MACROD2: variants seen among roughly 807,000 people sequenced by gnomAD.
MACROD2 encodes ADP-ribose glycohydrolase MACROD2.
A neutral mutation model predicts 70.4 loss-of-function variants in MACROD2; 36 were observed. That is an observed-to-expected ratio of 0.51 (90% confidence interval 0.39 to 0.68). The LOEUF is 0.68. Among genes scored for constraint, MACROD2 ranks in the 30% least tolerant of loss-of-function variants. The pLI, the probability that MACROD2 is intolerant of heterozygous loss-of-function variation, is 0.00. For missense variants in MACROD2, 496 were observed against 538.4 expected, an observed-to-expected ratio of 0.92 and a Z score of 0.78; for synonymous variants, 172 against 178.8, an observed-to-expected ratio of 0.96 and a Z score of 0.30.
At chr20:14,036,216 A>T (rs899086511) in intron 2 of MACROD2, among the ~76,000 whole-genome samples, 2 of 151,922 alleles carry the variant, frequency 1.3e-5, no homozygotes, top group African/African-American at 4.8e-5. Flanking sequence ...TTTGAATTGT[A>T]TATGAGGTTA....
chr20:15,551,011 GA>G (rs1257244007), intron 8 of MACROD2, among the ~76,000 whole-genome samples: 1 of 152,102 alleles, frequency 6.6e-6, no homozygotes, highest in Non-Finnish European at 1.5e-5. Flanking sequence ...TAAGAATAAA[GA>G]AAATAATTCA....
chr20:15,234,423 C>T (rs1479582556), intron 6 of MACROD2, among the ~76,000 whole-genome samples: 1 of 151,806 alleles, frequency 6.6e-6, no homozygotes, highest in African/African-American at 2.4e-5. Flanking sequence ...GCAGTACAAA[C>T]TGGAAATTGG....
At chr20:15,628,916 A>G (rs748526511) in intron 8 of MACROD2, among the ~76,000 whole-genome samples, 22 of 152,232 alleles carry the variant, frequency 1.4e-4, no homozygotes, top group Non-Finnish European at 2.6e-4. Context: ...TGGTTGTGAA[A>G]GTCATCCATG....
intron 7 of MACROD2, among the ~76,000 whole-genome samples, chr20:15,485,848 G>A (rs1286881103): frequency 6.6e-6 from 1 of 152,008 alleles, no homozygotes; most frequent in Non-Finnish European, 1.5e-5. Context: ...GTAAAACTTA[G>A]AAATCCAAAA....
intron 5 of MACROD2, among the ~76,000 whole-genome samples, chr20:15,050,961 G>T (rs1568549771): frequency 6.6e-6 from 1 of 152,056 alleles, no homozygotes; most frequent in Admixed American, 6.6e-5. Context: ...AATTATGGTT[G>T]AACAAAGAGG....
At chr20:14,821,931 T>G (rs532789419) in intron 5 of MACROD2, among the ~76,000 whole-genome samples, 25 of 152,236 alleles carry the variant, frequency 1.6e-4, no homozygotes, top group East Asian at 9.7e-4. Context: ...CTCAGACTGG[T>G]CCTTCTACAA....
intron 5 of MACROD2, among the ~76,000 whole-genome samples, chr20:15,153,801 C>A (rs984481724): frequency 4.6e-5 from 7 of 152,100 alleles, no homozygotes; most frequent in African/African-American, 1.7e-4. Context: ...GGGCATTGGT[C>A]ACATCTTGTT....
intron 3 of MACROD2, chr20:14,128,161 G>A (rs955356888): frequency 4.5e-6 from 2 of 446,070 alleles, no homozygotes; most frequent in South Asian, 3.9e-5. Context: ...AATTACTTTT[G>A]ATGCTTTCCC....
intron 5 of MACROD2, among the ~76,000 whole-genome samples, chr20:15,152,367 G>A (rs1358293054): frequency 6.6e-6 from 1 of 151,576 alleles, no homozygotes; most frequent in African/African-American, 2.4e-5. Flanking sequence ...ACACGGAGAA[G>A]AGGTGGGGGT....
chr20:15,907,728 GA>G (rs2065169444), intron 10 of MACROD2, among the ~76,000 whole-genome samples: 1 of 152,198 alleles, frequency 6.6e-6, no homozygotes, highest in Non-Finnish European at 1.5e-5. Context: ...CTAGATGGAT[GA>G]TTTCCCTGAA....
intron 5 of MACROD2, among the ~76,000 whole-genome samples, chr20:15,219,884 T>G (rs1403947448): frequency 6.6e-6 from 1 of 151,680 alleles, no homozygotes; most frequent in South Asian, 2.1e-4. Flanking sequence ...AAAGCAGATT[T>G]ATTCTAAAAT....
At chr20:15,159,963 G>A (rs761098663) in intron 5 of MACROD2, among the ~76,000 whole-genome samples, 11 of 151,988 alleles carry the variant, frequency 7.2e-5, no homozygotes, top group Admixed American at 1.3e-4. Flanking sequence ...AAATAAATGA[G>A]AACTGCTTAG....
In MACROD2 at chr20:14,524,991, C is replaced by G. The variant is rs185391704; in HGVS notation, c.301+31483C>G. ...AGAATGTAAGGGGTTAGGAAGAGCCCCCATTTTCTTATCTTTATGTTGAAA... is the reference window on the plus strand; with the variant it reads ...AGAATGTAAGGGGTTAGGAAGAGCCGCCATTTTCTTATCTTTATGTTGAAA... On this transcript the variant is annotated intron_variant, in intron 4 of 17. Transcript: ENST00000684519. Among the ~76,000 whole-genome samples, 12 of 152,138 alleles carry G rather than the reference C, an allele frequency of 7.9e-5. No homozygotes were observed. In the East Asian group the frequency reaches 2.1e-3, roughly 27 times the overall value.
At chr20:14,976,271 G>A (rs1236272113) in intron 5 of MACROD2, among the ~76,000 whole-genome samples, 2 of 152,154 alleles carry the variant, frequency 1.3e-5, no homozygotes, top group East Asian at 3.9e-4. Context: ...CTAAAGGTGA[G>A]GTGTTGGTGG....
chr20:15,615,722 C>T (rs1252519836), intron 8 of MACROD2, among the ~76,000 whole-genome samples: 1 of 152,124 alleles, frequency 6.6e-6, no homozygotes, highest in Non-Finnish European at 1.5e-5. Flanking sequence ...TTGAAGCCCT[C>T]ACACACAAAA....
At chr20:15,022,956 A>G (rs2122971932) in intron 5 of MACROD2, 1 of 152,284 alleles carries the variant, frequency 6.6e-6, no homozygotes, top group East Asian at 1.9e-4. Flanking sequence ...ATTCCATAAA[A>G]AATTATATAT....
chr20:16,003,902 C>A (rs1015197486), intron 15 of MACROD2, among the ~76,000 whole-genome samples: 22 of 152,166 alleles, frequency 1.4e-4, no homozygotes, highest in African/African-American at 5.1e-4. Flanking sequence ...AACACCTGAC[C>A]TCCTGGTCTG....
intron 6 of MACROD2, among the ~76,000 whole-genome samples, chr20:15,279,232 G>T (rs1030090533): frequency 2.6e-5 from 4 of 152,136 alleles, no homozygotes; most frequent in African/African-American, 9.7e-5. Flanking sequence ...AGACACACAT[G>T]AACAAAAAGG....
At chr20:15,128,972 G>A (rs2076086011) in intron 5 of MACROD2, among the ~76,000 whole-genome samples, 1 of 151,756 alleles carries the variant, frequency 6.6e-6, no homozygotes, top group South Asian at 2.1e-4. Context: ...CTTCTTGTTT[G>A]TGGAGTTGGG....
Sources: allele counts gnomAD v4.1 joint callset (sites outside exome capture counted in the v4.1 genomes callset), GRCh38; gene constraint gnomAD v4.1.1; transcripts MANE v1.5; gene names NCBI Gene and HGNC (gene_info 2026-07-23, HGNC 2026-07-21).